PTPRK: variants seen among roughly 807,000 people sequenced by gnomAD.
The protein encoded by PTPRK is receptor-type tyrosine-protein phosphatase kappa.
Under a neutral mutation model 178.0 loss-of-function variants are expected in PTPRK, and 75 were observed. That is an observed-to-expected ratio of 0.42 (90% CI 0.35 to 0.51). The LOEUF (loss-of-function observed/expected upper bound fraction) is 0.51, where lower values mean the gene tolerates loss of function less well. Ranked by LOEUF, PTPRK falls within the 20% of genes least tolerant of loss-of-function variation. The probability of loss-of-function intolerance (pLI) is 0.02; values close to 1 mark genes in which losing one functional copy is unlikely to be tolerated. For synonymous variants in PTPRK, 637 were observed against 620.6 expected (o/e 1.03, Z -0.39); for missense variants, 1,441 against 1,797.8 (o/e 0.80, Z 3.59).
rs1025100125 is a variant in PTPRK, at chr6:128,512,575, CACTT to C, written c.100+7680_100+7683del. 1.9e-4 allele frequency among the ~76,000 whole-genome samples: 29 copies of C among 152,284 alleles called. No homozygotes were observed. The Middle Eastern group carries it at 0.01, about 54-fold the overall frequency. The stretch of plus-strand genomic sequence containing the variant: ...AGAATAGTAAATGGATAACAAAAAA[CACTT>C]ACAGGCTCATTAATAAGAAGGCAAT... On this transcript the variant is annotated intron_variant, in intron 1 of 29. Coordinates refer to ENST00000368226, the MANE Select transcript of PTPRK (RefSeq NM_002844.4).
rs141616178 is a variant in PTPRK at position 128,298,161 on chromosome 6, C to A, written c.495+23878G>T. ...ACGTATAAATTCCTTGACACACACT[C>A]TCCAAAGACTAAAACAGGAAGAAGT... On this transcript the variant is annotated intron_variant, in intron 3 of 29. Coordinates refer to ENST00000368226, the MANE Select transcript of PTPRK (RefSeq NM_002844.4). Among the ~76,000 whole-genome samples, 544 of 152,266 alleles carry A rather than the reference C, an allele frequency of 3.6e-3. 2 individuals are homozygous for A. Among genetic ancestry groups the A allele is most frequent in the African/African-American group, 0.012 (490 of 41,544 alleles).
intron 7 of PTPRK, among the ~76,000 whole-genome samples, chr6:128,117,327 T>G (rs371186788): frequency 4.5e-4 from 69 of 152,246 alleles, no homozygotes; most frequent in African/African-American, 1.6e-3. Flanking sequence ...TTTTCCTATG[T>G]TAGTGTTAGA....
At chr6:127,993,428 T>C (rs942927494) in intron 18 of PTPRK, among the ~76,000 whole-genome samples, 1 of 151,614 alleles carries the variant, frequency 6.6e-6, no homozygotes, top group African/African-American at 2.4e-5. Context: ...TTTCAATTGG[T>C]TTGAATAACA....
intron 2 of PTPRK, among the ~76,000 whole-genome samples, chr6:128,389,157 T>C (rs967695770): frequency 3.9e-5 from 6 of 152,190 alleles, no homozygotes; most frequent in East Asian, 1.9e-4. Flanking sequence ...GAAAAATACA[T>C]CTCAGCCAAT....
intron 2 of PTPRK, among the ~76,000 whole-genome samples, chr6:128,389,860 G>A (rs1690350131): frequency 6.6e-6 from 1 of 151,752 alleles, no homozygotes; most frequent in African/African-American, 2.4e-5. Context: ...TGCCATTTCT[G>A]TCCACTGTAA....
intron 1 of PTPRK, among the ~76,000 whole-genome samples, chr6:128,489,257 T>C (rs1302381102): frequency 6.6e-6 from 1 of 152,218 alleles, no homozygotes; most frequent in African/African-American, 2.4e-5. Context: ...GGAACATGTT[T>C]TTACTGATAT....
intron 7 of PTPRK, among the ~76,000 whole-genome samples, chr6:128,103,887 A>G (rs1298371065): frequency 6.6e-6 from 1 of 152,182 alleles, no homozygotes; most frequent in Non-Finnish European, 1.5e-5. Context: ...TCTGAATCAC[A>G]GTAGGAGTGG....
intron 2 of PTPRK, among the ~76,000 whole-genome samples, chr6:128,362,240 G>A (rs1381111869): frequency 6.6e-6 from 1 of 152,112 alleles, no homozygotes. Context: ...GTGGGAGCAA[G>A]GGAGGAAGGA....
In PTPRK at chr6:127,982,877, C is replaced by G; in HGVS notation, c.3491G>C (p.Arg1164Thr). The G allele has an allele frequency of 1.9e-6, 3 of 1,612,618 alleles. No individual in the cohort carries two copies. Among genetic ancestry groups the G allele is most frequent in the Non-Finnish European group, 2.5e-6 (3 of 1,178,876 alleles). Residue 1164 changes from arginine to threonine, a missense_variant, in exon 24 of 30, where the codon AGA becomes ACA. Physicochemically the swap from Arg to Thr is moderately conservative, Grantham distance 71. This residue lies in a region of PTPRK where 335 missense variants were observed against 512.4 expected (regional missense o/e 0.65). Transcript: ENST00000368226. ...TGAAGAGTTAGTCTGGGAGTCTATT[C>G]TAATCATATCAAAATATGCAGCTTT... is the stretch of plus-strand genomic sequence containing the variant. ...EFKAAYFDMIRIDSQTNSSHL... is the reference protein window; with the variant it reads ...EFKAAYFDMITIDSQTNSSHL...
intron 3 of PTPRK, among the ~76,000 whole-genome samples, chr6:128,243,721 G>C (rs999818450): frequency 6.6e-6 from 1 of 151,856 alleles, no homozygotes. Context: ...AATAATGTGT[G>C]CTGTGACTTT....
chr6:128,122,793 AATT>A (rs1276061647), intron 7 of PTPRK, among the ~76,000 whole-genome samples: 1 of 152,206 alleles, frequency 6.6e-6, no homozygotes, highest in African/African-American at 2.4e-5. Context: ...AGAGTTCAAT[AATT>A]ATTACCTATT....
At chr6:128,241,108 G>A in intron 4 of PTPRK, 2 of 403,382 alleles carry the variant, frequency 5.0e-6, no homozygotes, top group South Asian at 4.0e-5. Context: ...ACTTAGTAAG[G>A]CAGCTTGAAC....
At chr6:128,000,409 A>G in intron 15 of PTPRK, 1 of 949,798 alleles carries the variant, frequency 1.1e-6, no homozygotes. Context: ...ATTTATCTTT[A>G]CTCCCTCTTA....
chr6:128,512,132 C>T (rs148374013), intron 1 of PTPRK, among the ~76,000 whole-genome samples: 22 of 152,288 alleles, frequency 1.4e-4, no homozygotes, highest in African/African-American at 5.1e-4. Flanking sequence ...AGTGCCCTCT[C>T]AGAGTCTCTC....
rs1048548082 is a variant in PTPRK at position 128,431,059 on chromosome 6, C to T, written c.101-33371G>A. On this transcript the variant is annotated intron_variant, in intron 1 of 29. Coordinates refer to ENST00000368226, the MANE Select transcript of PTPRK (RefSeq NM_002844.4). ...GTTCAGGCAGTTGTCCTGCCTCAGC[C>T]TTCCGAGTAGCTGGGATTACAGGCA... is the stretch of plus-strand genomic sequence containing the variant. Among the ~76,000 whole-genome samples the T allele has an allele frequency of 5.9e-5, 9 of 151,824 alleles. No individual in the cohort carries two copies. In the East Asian group the frequency reaches 1.8e-3, roughly 30 times the overall value.
intron 13 of PTPRK, among the ~76,000 whole-genome samples, chr6:128,011,026 T>C (rs944992606): frequency 1.1e-4 from 16 of 151,234 alleles, no homozygotes; most frequent in African/African-American, 3.6e-4. Flanking sequence ...AGGGCGACGT[T>C]AGAAATATAT....
intron 1 of PTPRK, among the ~76,000 whole-genome samples, chr6:128,517,962 C>A (rs1463543706): frequency 6.6e-6 from 1 of 152,140 alleles, no homozygotes; most frequent in East Asian, 1.9e-4. Flanking sequence ...CATCTCTAAT[C>A]TATGTCTGCA....
chr6:128,380,009 C>T (rs558343833), intron 2 of PTPRK, among the ~76,000 whole-genome samples: 183 of 152,086 alleles, frequency 1.2e-3, no homozygotes, highest in African/African-American at 4.2e-3. Context: ...TCTAAGCATT[C>T]CCATGGACAA....
chr6:128,067,683 C>A lies in PTPRK; in HGVS notation c.1993G>T (p.Gly665Cys), dbSNP rs1438514512. The A allele has an allele frequency of 6.2e-7, 1 of 1,613,740 alleles. No individual in the cohort carries two copies. Among genetic ancestry groups the A allele is most frequent in the Admixed American group, 1.7e-5 (1 of 59,978 alleles). The change falls in exon 12 of 30, where the codon GGT becomes TGT. Residue 665 changes from glycine to cysteine, a missense_variant. Gly to Cys is a radical substitution (Grantham distance 159). Coordinates refer to ENST00000368226, the MANE Select transcript of PTPRK (RefSeq NM_002844.4). ...PVTYQNAMSGGAPYYFAAELP... is the reference protein window; with the variant it reads ...PVTYQNAMSGCAPYYFAAELP... The stretch of plus-strand genomic sequence containing the variant: ...TCTGCAGCAAAGTAATACGGTGCAC[C>A]CCCACTCATGGCATTTTGGTATGTG...
Sources: gnomAD v4.1 joint callset for allele counts (sites outside exome capture counted in the v4.1 genomes callset) on GRCh38, gnomAD v4.1.1 for gene constraint, gnomAD v4.1.1 regional missense constraint, MANE v1.5 for transcripts, NCBI Gene and HGNC (gene_info 2026-07-23, HGNC 2026-07-21) for gene names.